Variants in CNBD1 observed in about 807,000 individuals in gnomAD.
CNBD1 encodes cyclic nucleotide binding domain containing 1.
In CNBD1, 71 loss-of-function variants were observed where a neutral mutation model predicts 54.4. The ratio of observed to expected loss-of-function variants is 1.30; its 90% CI spans 1.08 to 1.59. The LOEUF is 1.59. CNBD1 is among the 40% of genes most tolerant of loss of function. The pLI is 0.00. For missense variants in CNBD1, 659 were observed against 518.0 expected (o/e 1.27, Z -2.64); for synonymous variants, 182 against 170.7 (o/e 1.07, Z -0.51).
intron 3 of CNBD1, among the ~76,000 whole-genome samples, chr8:86,928,567 T>A (rs1357772161): frequency 6.6e-6 from 1 of 152,202 alleles, no homozygotes; most frequent in Admixed American, 6.5e-5. Context: ...AATTAGGACT[T>A]TAACTACTTC....
chr8:87,008,792 C>T (rs1221985711), intron 4 of CNBD1, among the ~76,000 whole-genome samples: 1 of 152,102 alleles, frequency 6.6e-6, no homozygotes, highest in Non-Finnish European at 1.5e-5. Context: ...TACCAAACAA[C>T]CTTTGTTCAT....
At position 87,163,353 on chromosome 8, in the gene CNBD1, T is replaced by TA. The variant is rs947983512; in HGVS notation, c.432-42629dup. ...TTTAGAATTGTTTTTTCCATTTCTG[T>TA]AAAAAAAAAAATTAGAATTTTGATA... On this transcript the variant is annotated intron_variant, in intron 4 of 10. Transcript: ENST00000518476. The surrounding 1 kb of genome is among the most constrained non-coding windows in gnomAD (Gnocchi z 4.5). Among the ~76,000 whole-genome samples, 556 of 147,112 alleles carry TA rather than the reference T, an allele frequency of 3.8e-3. 5 individuals carry two copies. Among genetic ancestry groups the TA allele is most frequent in the African/African-American group, 0.012 (472 of 40,470 alleles).
At chr8:87,279,329 A>T (rs1808543804) in intron 6 of CNBD1, among the ~76,000 whole-genome samples, 1 of 151,558 alleles carries the variant, frequency 6.6e-6, no homozygotes, top group South Asian at 2.1e-4. Context: ...TGATTAGCTC[A>T]AAATTTAGCA....
At chr8:86,885,509 C>T (rs1808669344) in intron 1 of CNBD1, among the ~76,000 whole-genome samples, 1 of 152,152 alleles carries the variant, frequency 6.6e-6, no homozygotes, top group Non-Finnish European at 1.5e-5. Flanking sequence ...TCAGGAAAAA[C>T]AAGACTGGAA....
downstream of CNBD1, among the ~76,000 whole-genome samples, chr8:87,386,093 C>G (rs1051554838): frequency 6.6e-6 from 1 of 152,016 alleles, no homozygotes; most frequent in Non-Finnish European, 1.5e-5. Flanking sequence ...AAAGGACATC[C>G]ACACCAAAAC....
downstream of CNBD1, among the ~76,000 whole-genome samples, chr8:87,383,276 G>T (rs546014215): frequency 1.3e-4 from 20 of 152,044 alleles, no homozygotes; most frequent in Non-Finnish European, 2.4e-4. Context: ...GCTTCATATT[G>T]TAGTATAGTT....
chr8:87,377,297 C>T, intron 10 of CNBD1, among the ~76,000 whole-genome samples: 1 of 137,190 alleles, frequency 7.3e-6, no homozygotes. Context: ...TGCTATCCCT[C>T]CCCCCTCCCC....
At chr8:87,383,570 G>A (rs979811805), downstream of CNBD1, among the ~76,000 whole-genome samples, 18 of 151,768 alleles carry the variant, frequency 1.2e-4, no homozygotes, top group Non-Finnish European at 2.2e-4. Context: ...TGCTGCCCAT[G>A]CATTTACATT....
intron 8 of CNBD1, among the ~76,000 whole-genome samples, chr8:87,333,855 T>G (rs189308559): frequency 5.4e-4 from 82 of 152,270 alleles, no homozygotes; most frequent in African/African-American, 2.0e-3. Flanking sequence ...CCTGCCAGGT[T>G]TTGGTATCAG....
At chr8:87,157,284 G>T (rs547353147) in intron 4 of CNBD1, among the ~76,000 whole-genome samples, 83 of 152,228 alleles carry the variant, frequency 5.5e-4, no homozygotes, top group African/African-American at 1.9e-3. Flanking sequence ...TTGTGTCTGT[G>T]TGTTCCTTCT....
chr8:87,096,063 A>C (rs1811313727), intron 4 of CNBD1, among the ~76,000 whole-genome samples: 2 of 152,152 alleles, frequency 1.3e-5, no homozygotes, highest in African/African-American at 4.8e-5. Flanking sequence ...CTGCCCCTGG[A>C]ATCATCCTTA....
chr8:87,425,109 G>T (rs369764056), intron 2 of CNBD1, among the ~76,000 whole-genome samples: 6 of 151,746 alleles, frequency 4.0e-5, no homozygotes, highest in African/African-American at 1.2e-4. Flanking sequence ...CCAGTTGATC[G>T]CATCGGCTCC....
chr8:87,408,496 A>G (rs1332506335), intron 2 of CNBD1, among the ~76,000 whole-genome samples: 1 of 152,022 alleles, frequency 6.6e-6, no homozygotes, highest in African/African-American at 2.4e-5. Context: ...TATTCTATTT[A>G]ATTGAGTCAT....
At chr8:87,334,541 T>A (rs1271323342) in intron 8 of CNBD1, among the ~76,000 whole-genome samples, 1 of 150,276 alleles carries the variant, frequency 6.7e-6, no homozygotes, top group Non-Finnish European at 1.5e-5. Flanking sequence ...CTCTTAACAG[T>A]GCTTTAGCTG....
At chr8:87,017,868 A>T (rs1809399833) in intron 4 of CNBD1, among the ~76,000 whole-genome samples, 1 of 152,238 alleles carries the variant, frequency 6.6e-6, no homozygotes, top group South Asian at 2.1e-4. Flanking sequence ...ATAATTTTTT[A>T]AAAAACAAAG....
At chr8:87,001,064 T>C (rs1402421543) in intron 4 of CNBD1, among the ~76,000 whole-genome samples, 1 of 152,048 alleles carries the variant, frequency 6.6e-6, no homozygotes, top group Non-Finnish European at 1.5e-5. Flanking sequence ...CAAACAATTA[T>C]CATTATATTG....
intron 4 of CNBD1, among the ~76,000 whole-genome samples, chr8:86,970,156 T>C (rs552717285): frequency 3.3e-5 from 5 of 152,278 alleles, no homozygotes; most frequent in African/African-American, 1.2e-4. Context: ...TGTTATTCCA[T>C]TGAAAATAAT....
At chr8:87,139,593 AGTGGT>A (rs1180460110) in intron 4 of CNBD1, among the ~76,000 whole-genome samples, 8 of 152,198 alleles carry the variant, frequency 5.3e-5, no homozygotes, top group African/African-American at 1.9e-4. Context: ...TGCTGCCTAG[AGTGGT>A]GTCAGGGAGC....
chr8:87,344,232 T>C (rs987714869), intron 8 of CNBD1, among the ~76,000 whole-genome samples: 1 of 151,792 alleles, frequency 6.6e-6, no homozygotes, highest in African/African-American at 2.4e-5. Flanking sequence ...AGGAAGAAAA[T>C]ATGGGTAAGC....
Sources: gnomAD v4.1 joint callset for allele counts (sites outside exome capture counted in the v4.1 genomes callset) on GRCh38, gnomAD v4.1.1 for gene constraint, Gnocchi (gnomAD v3.1) non-coding constraint, MANE v1.5 for transcripts, NCBI Gene and HGNC (gene_info 2026-07-23, HGNC 2026-07-21) for gene names.